Variants in DAPK2 observed in about 807,000 individuals in gnomAD.
DAPK2 encodes the protein death associated protein kinase 2.
A neutral mutation model predicts 44.1 loss-of-function variants in DAPK2; 35 were observed. The ratio of observed to expected loss-of-function variants is 0.79; its 90% CI spans 0.61 to 1.05. DAPK2 has a LOEUF of 1.05. DAPK2 is among the 50% of genes least tolerant of loss of function. DAPK2 has a pLI of 0.00. For synonymous variants in DAPK2, 174 were observed against 182.6 expected, an observed-to-expected ratio of 0.95 and a Z score of 0.38; for missense variants, 453 against 483.2, an observed-to-expected ratio of 0.94 and a Z score of 0.59.
At chr15:64,041,826 T>C (rs1189334225), upstream of DAPK2, among the ~76,000 whole-genome samples, 1 of 152,176 alleles carries the variant, frequency 6.6e-6, no homozygotes, top group Non-Finnish European at 1.5e-5. Flanking sequence ...CAGAGCTTCA[T>C]TACCAAGATG....
chr15:63,922,963 G>A (rs1218992600), intron 8 of DAPK2: 3 of 1,535,750 alleles, frequency 2.0e-6, no homozygotes, highest in Middle Eastern at 1.7e-4. Flanking sequence ...CCATGCTTCC[G>A]AGGCTACATC....
At chr15:63,950,161 C>A (rs1275888591) in intron 3 of DAPK2, among the ~76,000 whole-genome samples, 1 of 152,160 alleles carries the variant, frequency 6.6e-6, no homozygotes, top group African/African-American at 2.4e-5. Context: ...CATTCTATAG[C>A]AATTAATAAA....
rs60386813 is a variant in DAPK2 at position 64,036,338 on chromosome 15, C to CATAT, written c.92+3828_92+3831dup. On this transcript the variant is annotated intron_variant, in intron 1 of 10. Coordinates refer to ENST00000261891, the Ensembl canonical transcript of DAPK2. ...ATATATGTATATATATATATATATA[C>CATAT]ATATATATATATATATTTTAGTTAA... Among the ~76,000 whole-genome samples, 7 of 42,998 alleles carry CATAT rather than the reference C, an allele frequency of 1.6e-4. 1 individual carries two copies. The highest frequency in any genetic ancestry group is 1.4e-3 in the South Asian group (2 of 1,430). 28.2% of individuals were successfully genotyped at this position (42,998 alleles called of 152,430 possible).
chr15:64,021,850 A>G (rs2079692354), intron 1 of DAPK2, among the ~76,000 whole-genome samples: 1 of 152,218 alleles, frequency 6.6e-6, no homozygotes, highest in South Asian at 2.1e-4. Context: ...GAAGGAGGAA[A>G]AGAACATCTT....
intron 3 of DAPK2, among the ~76,000 whole-genome samples, chr15:63,946,125 G>C (rs993497277): frequency 6.6e-6 from 1 of 152,242 alleles, no homozygotes; most frequent in African/African-American, 2.4e-5. Flanking sequence ...CCAGGAGGCA[G>C]AAATACCCTT....
upstream of DAPK2, among the ~76,000 whole-genome samples, chr15:64,043,698 T>C (rs1391016529): frequency 1.3e-5 from 2 of 152,220 alleles, no homozygotes; most frequent in African/African-American, 2.4e-5. Flanking sequence ...TTGTATGTGA[T>C]CAAAATTTTA....
chr15:63,909,374 T>G (rs1159461503), intron 10 of DAPK2: 1 of 151,562 alleles, frequency 6.6e-6, no homozygotes, highest in African/African-American at 2.4e-5. Context: ...TTGGGAAAAC[T>G]GCATAACAGA....
At chr15:63,925,463 C>T (rs2079216276) in intron 7 of DAPK2, among the ~76,000 whole-genome samples, 2 of 152,194 alleles carry the variant, frequency 1.3e-5, no homozygotes, top group South Asian at 4.1e-4. Flanking sequence ...ACCCCACAGC[C>T]ACGGGACTCA....
At chr15:63,946,213 G>A (rs967471584) in intron 3 of DAPK2, among the ~76,000 whole-genome samples, 2 of 152,350 alleles carry the variant, frequency 1.3e-5, no homozygotes, top group South Asian at 2.1e-4. Context: ...TGTGTCCTGG[G>A]GGATCTGGCC....
chr15:64,013,985 G>T lies in DAPK2; in HGVS notation c.92+26185C>A, dbSNP rs1267543301. Among the ~76,000 whole-genome samples, 1 of 152,216 alleles carries T rather than the reference G, an allele frequency of 6.6e-6. No individual in the cohort carries two copies. The highest frequency in any genetic ancestry group is 2.4e-5 in the African/African-American group (1 of 41,458). ...CAGAAAGAAACACCTTCTAGCCAGG[G>T]TTCTGGCCAGGAGGCTAGGCTGCCA... On this transcript the variant is annotated intron_variant, in intron 1 of 10. Transcript: ENST00000261891. The surrounding 1 kb of genome is among the most constrained non-coding windows in gnomAD (Gnocchi z 4.7).
chr15:63,957,363 TA>T (rs1466943787), intron 3 of DAPK2, among the ~76,000 whole-genome samples: 20 of 152,062 alleles, frequency 1.3e-4, no homozygotes, highest in Admixed American at 3.9e-4. Flanking sequence ...GTTTTTTCTT[TA>T]TTATTATTAT....
intron 4 of DAPK2, among the ~76,000 whole-genome samples, chr15:63,933,741 G>A (rs2077046262): frequency 6.6e-6 from 1 of 151,794 alleles, no homozygotes; most frequent in African/African-American, 2.4e-5. Flanking sequence ...TGGGACCACA[G>A]GCATGTGCCA....
chr15:64,037,206 C>T (rs1219811486), intron 1 of DAPK2, among the ~76,000 whole-genome samples: 1 of 152,192 alleles, frequency 6.6e-6, no homozygotes, highest in East Asian at 1.9e-4. Flanking sequence ...ACCCATGCCC[C>T]CAGCCTCATG....
At chr15:63,984,004 C>T (rs2078604834) in intron 1 of DAPK2, among the ~76,000 whole-genome samples, 1 of 152,168 alleles carries the variant, frequency 6.6e-6, no homozygotes, top group Non-Finnish European at 1.5e-5. Flanking sequence ...CAGAGGTGAG[C>T]ACTGAGGCCC....
At chr15:63,998,594 G>C (rs1462831853) in intron 1 of DAPK2, among the ~76,000 whole-genome samples, 1 of 152,156 alleles carries the variant, frequency 6.6e-6, no homozygotes, top group African/African-American at 2.4e-5. Flanking sequence ...GTCTCTGCAG[G>C]GTGGACCTAT....
intron 1 of DAPK2, among the ~76,000 whole-genome samples, chr15:64,002,711 A>G (rs889776409): frequency 2.6e-5 from 4 of 152,230 alleles, no homozygotes; most frequent in Non-Finnish European, 5.9e-5. Context: ...ACTCCCATCA[A>G]TCTCACACAC....
At chr15:63,942,059 C>T in intron 3 of DAPK2, 1 of 240,036 alleles carries the variant, frequency 4.2e-6, no homozygotes, top group Non-Finnish European at 6.7e-6. Context: ...TAGCTGAGAG[C>T]CCAGGACACC....
At chr15:63,977,400 G>A (rs1299319296) in intron 2 of DAPK2, among the ~76,000 whole-genome samples, 2 of 152,238 alleles carry the variant, frequency 1.3e-5, no homozygotes, top group African/African-American at 2.4e-5. Context: ...TGCAGACTGG[G>A]GTCAAAGGGC....
intron 1 of DAPK2, among the ~76,000 whole-genome samples, chr15:64,016,371 G>T (rs186980341): frequency 2.0e-5 from 3 of 152,346 alleles, no homozygotes; most frequent in Admixed American, 1.3e-4. Context: ...TGGCTTTGGA[G>T]CCAAAGAGAC....
Sources: allele counts gnomAD v4.1 joint callset (sites outside exome capture counted in the v4.1 genomes callset), GRCh38; gene constraint gnomAD v4.1.1; non-coding constraint Gnocchi (gnomAD v3.1); transcripts MANE v1.5; gene names NCBI Gene and HGNC (gene_info 2026-07-23, HGNC 2026-07-21).